The following SPOCK1 variants were observed in gnomAD, a reference collection of about 807,000 sequenced individuals.
SPOCK1 encodes the protein SPARC (osteonectin), cwcv and kazal like domains proteoglycan 1.
In SPOCK1, 23 loss-of-function variants were observed where a neutral mutation model predicts 55.3. The ratio of observed to expected loss-of-function variants is 0.42; its 90% CI spans 0.30 to 0.59. SPOCK1 has a LOEUF of 0.59. Among genes scored for constraint, SPOCK1 ranks in the 20% least tolerant of loss-of-function variants. SPOCK1 has a pLI of 0.22. For synonymous variants in SPOCK1, 226 were observed against 221.0 expected, an observed-to-expected ratio of 1.02 and a Z score of -0.20; for missense variants, 499 against 552.5, an observed-to-expected ratio of 0.90 and a Z score of 0.97.
At chr5:136,987,084 C>T (rs1236979479) in intron 8 of SPOCK1, among the ~76,000 whole-genome samples, 1 of 151,892 alleles carries the variant, frequency 6.6e-6, no homozygotes, top group Non-Finnish European at 1.5e-5. Flanking sequence ...AACTGGATGA[C>T]CATCTCCAGG....
chr5:137,266,937 T>A, intron 3 of SPOCK1, 73 bp downstream of exon 3: 1 of 1,371,738 alleles, frequency 7.3e-7, no homozygotes, highest in Non-Finnish European at 1.0e-6. Context: ...GAACATTAAC[T>A]CAGCATGCAA....
At chr5:137,289,662 C>A (rs573755973) in intron 2 of SPOCK1, among the ~76,000 whole-genome samples, 1 of 152,136 alleles carries the variant, frequency 6.6e-6, no homozygotes, top group South Asian at 2.1e-4. Context: ...AAAATGCATA[C>A]GGGAATGAGC....
chr5:137,382,148 T>C (rs1281842755), intron 2 of SPOCK1, among the ~76,000 whole-genome samples: 1 of 152,252 alleles, frequency 6.6e-6, no homozygotes, highest in Non-Finnish European at 1.5e-5. Context: ...GCCACCAGTC[T>C]CTTTGCTAAA....
At chr5:137,029,037 C>T (rs900004262) in intron 6 of SPOCK1, among the ~76,000 whole-genome samples, 14 of 152,012 alleles carry the variant, frequency 9.2e-5, no homozygotes, top group Non-Finnish European at 1.5e-5. Flanking sequence ...CAACTGAGTC[C>T]CCTTGCTCTA....
intron 2 of SPOCK1, among the ~76,000 whole-genome samples, chr5:137,351,657 T>C (rs532532129): frequency 2.6e-5 from 4 of 152,328 alleles, no homozygotes; most frequent in South Asian, 2.1e-4. Flanking sequence ...GTAGCCAAGA[T>C]AGTTGTATGT....
chr5:137,400,949 G>T (rs1230368192), intron 2 of SPOCK1, among the ~76,000 whole-genome samples: 1 of 152,170 alleles, frequency 6.6e-6, no homozygotes, highest in Admixed American at 6.5e-5. Flanking sequence ...CAGAGCACCC[G>T]CTGGAAACCC....
rs779027338 is a variant in SPOCK1 at position 136,986,066 on chromosome 5, C to T, written c.929-864G>A. Among the ~76,000 whole-genome samples the T allele has an allele frequency of 1.6e-4, 24 of 152,168 alleles. 1 individual carries two copies. The highest frequency in any genetic ancestry group is 3.4e-4 in the Non-Finnish European group (23 of 68,038). On this transcript the variant is annotated intron_variant, in intron 8 of 10. Transcript: ENST00000394945. ...CCATTTACAACTCTTACCCTGTAGA[C>T]TGCACAATGCTACCTGGTCTTGCTG...
intron 3 of SPOCK1, among the ~76,000 whole-genome samples, chr5:137,266,106 G>T (rs1347295967): frequency 6.6e-6 from 1 of 152,122 alleles, no homozygotes. Flanking sequence ...CAAGCAGAGG[G>T]CAGAAAGGAG....
intron 3 of SPOCK1, among the ~76,000 whole-genome samples, chr5:137,222,806 C>T (rs370321474): frequency 7.6e-4 from 115 of 152,262 alleles, no homozygotes; most frequent in African/African-American, 2.7e-3. Flanking sequence ...TCAAAGGGGG[C>T]CACACTGTCC....
rs146762668 is a variant in SPOCK1 at position 137,434,480 on chromosome 5, C to CTTTTTTTTTTTTT, written c.186+63880_186+63892dup. Among the ~76,000 whole-genome samples, 263 of 68,260 alleles carry CTTTTTTTTTTTTT rather than the reference C, an allele frequency of 3.9e-3. 12 individuals are homozygous for CTTTTTTTTTTTTT. Among genetic ancestry groups the CTTTTTTTTTTTTT allele is most frequent in the African/African-American group, 4.3e-3 (71 of 16,690 alleles). 44.8% of individuals were successfully genotyped at this position (68,260 alleles called of 152,430 possible). On this transcript the variant is annotated intron_variant, in intron 2 of 10. Coordinates refer to ENST00000394945, the MANE Select transcript of SPOCK1 (RefSeq NM_004598.4). ...TTTCCCTTCTCCATTTCTTTTTTTT[C>CTTTTTTTTTTTTT]TTTTTTTTTTTTTTTTTTTTTTTTT...
At chr5:137,173,470 T>C (rs1457357238) in intron 3 of SPOCK1, among the ~76,000 whole-genome samples, 1 of 152,168 alleles carries the variant, frequency 6.6e-6, no homozygotes, top group African/African-American at 2.4e-5. Context: ...AAATAGAGAT[T>C]GAAGCTGTGA....
At chr5:137,414,870 C>A (rs1342827988) in intron 2 of SPOCK1, among the ~76,000 whole-genome samples, 1 of 151,248 alleles carries the variant, frequency 6.6e-6, no homozygotes, top group Non-Finnish European at 1.5e-5. Context: ...TGTCCCCGCC[C>A]ACCCCCCTTA....
chr5:137,185,762 G>A (rs1459858462), intron 3 of SPOCK1, among the ~76,000 whole-genome samples: 1 of 152,134 alleles, frequency 6.6e-6, no homozygotes, highest in Non-Finnish European at 1.5e-5. Context: ...AGCCAGGCTG[G>A]CATCTAAGGA....
intron 3 of SPOCK1, among the ~76,000 whole-genome samples, chr5:137,185,260 G>C (rs1755045872): frequency 6.6e-6 from 1 of 152,104 alleles, no homozygotes; most frequent in Non-Finnish European, 1.5e-5. Flanking sequence ...CTTTCCTTTG[G>C]AGGCCTATGA....
rs1038007661 is a variant in SPOCK1, at chr5:137,231,699, A to G, written c.232+35311T>C. Among the ~76,000 whole-genome samples the G allele has an allele frequency of 2.0e-5, 3 of 152,276 alleles. No homozygotes were observed. The East Asian group carries it at 5.8e-4, about 29-fold the overall frequency. Reference sequence around the variant, plus strand: ...ATTGTAAATAAAGCTGCTAATAAACACTCATGTGCAGGTTCTTACATGAAC... The same window carrying G: ...ATTGTAAATAAAGCTGCTAATAAACGCTCATGTGCAGGTTCTTACATGAAC... On this transcript the variant is annotated intron_variant, in intron 3 of 10. Coordinates refer to ENST00000394945, the MANE Select transcript of SPOCK1 (RefSeq NM_004598.4).
intron 3 of SPOCK1, among the ~76,000 whole-genome samples, chr5:137,181,702 A>C (rs975391461): frequency 7.2e-5 from 11 of 152,080 alleles, no homozygotes; most frequent in African/African-American, 2.7e-4. Context: ...GCTGACAAAC[A>C]GGCTTACTGC....
At chr5:137,422,285 G>T (rs896046540) in intron 2 of SPOCK1, among the ~76,000 whole-genome samples, 3 of 152,212 alleles carry the variant, frequency 2.0e-5, no homozygotes, top group African/African-American at 7.2e-5. Flanking sequence ...TTCTAGAGGA[G>T]TATCTTTGTG....
At chr5:137,359,695 G>A (rs1254591164) in intron 2 of SPOCK1, among the ~76,000 whole-genome samples, 4 of 152,176 alleles carry the variant, frequency 2.6e-5, no homozygotes, top group Non-Finnish European at 4.4e-5. Flanking sequence ...TCCATACTAA[G>A]GAGCAAATGC....
intron 3 of SPOCK1, among the ~76,000 whole-genome samples, chr5:137,225,321 C>T (rs1178489448): frequency 6.6e-6 from 1 of 152,096 alleles, no homozygotes; most frequent in African/African-American, 2.4e-5. Flanking sequence ...GTAAATGCAA[C>T]TACCTCATAG....
Sources: gnomAD v4.1 joint callset for allele counts (sites outside exome capture counted in the v4.1 genomes callset) on GRCh38, gnomAD v4.1.1 for gene constraint, MANE v1.5 for transcripts, NCBI Gene and HGNC (gene_info 2026-07-23, HGNC 2026-07-21) for gene names.